DOK6: variants seen among roughly 807,000 people sequenced by gnomAD.
DOK6 encodes downstream of tyrosine kinase 6.
A neutral mutation model predicts 44.0 loss-of-function variants in DOK6; 22 were observed. The observed-to-expected ratio is 0.50, with a 90% CI of 0.36 to 0.71. The LOEUF (loss-of-function observed/expected upper bound fraction) is 0.71, where lower values mean the gene tolerates loss of function less well. DOK6 is among the 30% of genes least tolerant of loss of function. The pLI is 0.00. For missense variants in DOK6, 340 were observed against 416.4 expected (o/e 0.82, Z 1.60); for synonymous variants, 166 against 145.5 (o/e 1.14, Z -1.01).
At chr18:69,401,533 C>T (rs1255114408) in intron 1 of DOK6, among the ~76,000 whole-genome samples, 1 of 152,060 alleles carries the variant, frequency 6.6e-6, no homozygotes, top group African/African-American at 2.4e-5. Context: ...TCCCCATCCT[C>T]GAGTGCACCG....
intron 3 of DOK6, among the ~76,000 whole-genome samples, chr18:69,604,901 G>A (rs775289439): frequency 6.6e-5 from 10 of 152,246 alleles, no homozygotes; most frequent in Middle Eastern, 3.4e-3. Context: ...GGGTACAGGT[G>A]CAGTTTTGTT....
chr18:69,662,431 G>A (rs1217540947), intron 3 of DOK6: 1 of 152,128 alleles, frequency 6.6e-6, no homozygotes, highest in Non-Finnish European at 1.5e-5. Flanking sequence ...TCTTTACCTC[G>A]ATTTTTAATA....
chr18:69,500,833 T>C (rs8095078), intron 1 of DOK6, among the ~76,000 whole-genome samples: 68,360 of 151,952 alleles, frequency 0.45, 15,792 homozygotes, highest in African/African-American at 0.49. Context: ...TTAGAGTTTG[T>C]GTAAGGTGAG....
chr18:69,699,203 C>T (rs962261606), intron 5 of DOK6, among the ~76,000 whole-genome samples: 7 of 152,080 alleles, frequency 4.6e-5, no homozygotes, highest in African/African-American at 1.7e-4. Flanking sequence ...TATTGTCACA[C>T]ATCCAAGATA....
chr18:69,764,335 T>G (rs769108916), intron 7 of DOK6, among the ~76,000 whole-genome samples: 9 of 152,194 alleles, frequency 5.9e-5, no homozygotes, highest in Non-Finnish European at 1.2e-4. Flanking sequence ...TGATGTATGA[T>G]GATATGGTCT....
intron 7 of DOK6, among the ~76,000 whole-genome samples, chr18:69,770,508 A>G (rs1979855979): frequency 1.3e-5 from 2 of 152,130 alleles, no homozygotes; most frequent in East Asian, 3.8e-4. Flanking sequence ...TGTGCTTTAA[A>G]TGAGACAACC....
At chr18:69,725,414 G>T (rs1175914636) in intron 5 of DOK6, among the ~76,000 whole-genome samples, 1 of 152,216 alleles carries the variant, frequency 6.6e-6, no homozygotes, top group African/African-American at 2.4e-5. Flanking sequence ...TCCTGGGCTT[G>T]CTCTAAAAGT....
intron 7 of DOK6, among the ~76,000 whole-genome samples, chr18:69,779,678 T>C (rs561338790): frequency 7.3e-6 from 1 of 137,654 alleles, no homozygotes; most frequent in Non-Finnish European, 1.6e-5. Flanking sequence ...ATAGGAGAGG[T>C]CTCTCTGCCC....
chr18:69,524,057 C>T (rs1981761990), intron 1 of DOK6, among the ~76,000 whole-genome samples: 1 of 151,936 alleles, frequency 6.6e-6, no homozygotes, highest in Admixed American at 6.6e-5. Flanking sequence ...GGTGCAGAAC[C>T]AATTCTATTA....
At chr18:69,693,208 A>G (rs145067468) in intron 4 of DOK6, among the ~76,000 whole-genome samples, 129 of 151,952 alleles carry the variant, frequency 8.5e-4, no homozygotes, top group African/African-American at 3.0e-3. Flanking sequence ...TAGGTATAAT[A>G]CTTTGTTCCA....
chr18:69,556,814 A>C (rs1982698509), intron 1 of DOK6, among the ~76,000 whole-genome samples: 1 of 152,228 alleles, frequency 6.6e-6, no homozygotes, highest in Non-Finnish European at 1.5e-5. Context: ...TCTCTATTGA[A>C]AAGATAGCTA....
At chr18:69,826,673 G>A (rs191874478) in intron 7 of DOK6, among the ~76,000 whole-genome samples, 1 of 152,148 alleles carries the variant, frequency 6.6e-6, no homozygotes, top group Non-Finnish European at 1.5e-5. Context: ...GAAACATATT[G>A]CAATATCCAG....
At chr18:69,733,923 G>A (rs1241006061) in intron 5 of DOK6, among the ~76,000 whole-genome samples, 2 of 151,924 alleles carry the variant, frequency 1.3e-5, no homozygotes, top group Admixed American at 6.6e-5. Flanking sequence ...CAATCTTTTT[G>A]TTTTTGTCTT....
intron 2 of DOK6, among the ~76,000 whole-genome samples, chr18:69,569,485 C>T (rs1983063481): frequency 6.6e-6 from 1 of 151,890 alleles, no homozygotes; most frequent in African/African-American, 2.4e-5. Flanking sequence ...TTACAATGTC[C>T]AATATAAAAT....
At chr18:69,509,498 C>A (rs1000261346) in intron 1 of DOK6, among the ~76,000 whole-genome samples, 1 of 151,836 alleles carries the variant, frequency 6.6e-6, no homozygotes, top group Non-Finnish European at 1.5e-5. Context: ...ATTAGCCGGG[C>A]GTGGTGGCGG....
intron 2 of DOK6, among the ~76,000 whole-genome samples, chr18:69,568,793 A>G (rs921457556): frequency 2.4e-4 from 37 of 151,878 alleles, no homozygotes; most frequent in Non-Finnish European, 3.5e-4. Flanking sequence ...CACAAACCCT[A>G]TTGTGAACTA....
At chr18:69,677,648 T>C in intron 3 of DOK6, 86 bp from the exon 4 acceptor site, 5 of 1,598,588 alleles carry the variant, frequency 3.1e-6, no homozygotes, top group South Asian at 1.1e-5. Context: ...TCTTGCCAGT[T>C]ACCTGGGAAA....
intron 5 of DOK6, among the ~76,000 whole-genome samples, chr18:69,707,961 G>A (rs1339557771): frequency 6.6e-6 from 1 of 152,068 alleles, no homozygotes; most frequent in Non-Finnish European, 1.5e-5. Context: ...GGATAGAGGG[G>A]TCAGGTTACT....
Position 69,637,990 on chromosome 18 carries a change from G to A in DOK6, c.289+38492G>A, listed in dbSNP as rs143382957. On this transcript the variant is annotated intron_variant, in intron 3 of 7. Transcript: ENST00000382713. ...TAACATACCTTGGTTTCAAAAAGTT[G>A]AGCGTCGTACTCTAGGCCCACTGCT... 1.9e-3 allele frequency among the ~76,000 whole-genome samples: 293 copies of A among 152,106 alleles called. 1 individual carries two copies. Among genetic ancestry groups the A allele is most frequent in the Middle Eastern group, 3.4e-3 (1 of 294 alleles).
Sources: gnomAD v4.1 joint callset for allele counts (sites outside exome capture counted in the v4.1 genomes callset) on GRCh38, gnomAD v4.1.1 for gene constraint, MANE v1.5 for transcripts, NCBI Gene and HGNC (gene_info 2026-07-23, HGNC 2026-07-21) for gene names.